The following GABRG3 variants were observed in gnomAD, a reference collection of about 807,000 sequenced individuals.
GABRG3 encodes the protein gamma-aminobutyric acid receptor subunit gamma-3.
In GABRG3, 25 loss-of-function variants were observed where a neutral mutation model predicts 48.8. That is an observed-to-expected ratio of 0.51 (90% CI 0.37 to 0.72). The LOEUF (loss-of-function observed/expected upper bound fraction) is 0.72, where lower values mean the gene tolerates loss of function less well. Among genes scored for constraint, GABRG3 ranks in the 30% least tolerant of loss-of-function variants. The pLI, the probability that GABRG3 is intolerant of heterozygous loss-of-function variation, is 0.00. For synonymous variants in GABRG3, 227 were observed against 217.6 expected, an observed-to-expected ratio of 1.04 and a Z score of -0.38; for missense variants, 394 against 577.9, an observed-to-expected ratio of 0.68 and a Z score of 3.26.
At chr15:27,010,450 A>C (rs924002488) in intron 2 of GABRG3, among the ~76,000 whole-genome samples, 1 of 152,208 alleles carries the variant, frequency 6.6e-6, no homozygotes, top group African/African-American at 2.4e-5. Flanking sequence ...AGATAGCTTC[A>C]CTGTGGTCAA....
At chr15:27,151,820 G>A (rs1010192898) in intron 3 of GABRG3, among the ~76,000 whole-genome samples, 5 of 152,192 alleles carry the variant, frequency 3.3e-5, no homozygotes, top group African/African-American at 1.2e-4. Context: ...TCCAGAAGGA[G>A]CACTGTCTGG....
chr15:27,148,956 T>C (rs147533052), intron 3 of GABRG3, among the ~76,000 whole-genome samples: 31 of 152,158 alleles, frequency 2.0e-4, no homozygotes, highest in African/African-American at 7.2e-4. Flanking sequence ...AATGTTGCTC[T>C]CACCATTTCT....
chr15:27,164,659 G>A (rs1367996087), intron 3 of GABRG3, among the ~76,000 whole-genome samples: 1 of 152,230 alleles, frequency 6.6e-6, no homozygotes, highest in African/African-American at 2.4e-5. Flanking sequence ...TTCCAGGGCA[G>A]TTATCTGTTA....
At chr15:27,406,496 A>G (rs13379857) in intron 5 of GABRG3, among the ~76,000 whole-genome samples, 7,971 of 152,282 alleles carry the variant, frequency 0.052, 696 homozygotes, top group African/African-American at 0.18. Context: ...AGAATAGCAA[A>G]TCACCTCTGT....
rs913990944 is a variant in GABRG3, at chr15:27,447,147, G to A, written c.575-33503G>A. On this transcript the variant is annotated intron_variant, in intron 5 of 9. Transcript: ENST00000615808. The surrounding 1 kb of genome is among the most constrained non-coding windows in gnomAD (Gnocchi z 4.0). ...AAAATGTTCCAGCAGCACAGAGGAC[G>A]GAACAACTAATTCTATGTGGAGGAG... Among the ~76,000 whole-genome samples the A allele has an allele frequency of 3.8e-4, 58 of 152,154 alleles. No homozygotes were observed. Among genetic ancestry groups the A allele is most frequent in the African/African-American group, 1.1e-3 (47 of 41,424 alleles).
chr15:27,114,789 G>T (rs1897613451), intron 3 of GABRG3, among the ~76,000 whole-genome samples: 1 of 151,808 alleles, frequency 6.6e-6, no homozygotes, highest in Non-Finnish European at 1.5e-5. Context: ...CTTACCCAAA[G>T]GAGTTATCAT....
At chr15:27,426,544 G>A (rs1183661534) in intron 5 of GABRG3, among the ~76,000 whole-genome samples, 1 of 152,152 alleles carries the variant, frequency 6.6e-6, no homozygotes, top group Non-Finnish European at 1.5e-5. Flanking sequence ...GCCAGGCGTG[G>A]TGTCTCATGC....
At chr15:27,448,943 C>T (rs1288225830) in intron 5 of GABRG3, among the ~76,000 whole-genome samples, 2 of 152,158 alleles carry the variant, frequency 1.3e-5, no homozygotes, top group Admixed American at 6.5e-5. Flanking sequence ...ACTCAGGAAA[C>T]AGCTGGATAA....
At chr15:26,995,865 A>G (rs2140651205) in intron 2 of GABRG3, among the ~76,000 whole-genome samples, 1 of 152,130 alleles carries the variant, frequency 6.6e-6, no homozygotes, top group South Asian at 2.1e-4. Flanking sequence ...TGTCTTTTTT[A>G]TATGCACCAT....
At chr15:27,205,725 T>A (rs150186259) in intron 3 of GABRG3, among the ~76,000 whole-genome samples, 239 of 152,120 alleles carry the variant, frequency 1.6e-3, no homozygotes, top group Middle Eastern at 6.8e-3. Flanking sequence ...TTTTTTTTTT[T>A]TTATTACTGA....
chr15:27,378,334 C>T (rs764600875), intron 5 of GABRG3, among the ~76,000 whole-genome samples: 17 of 152,178 alleles, frequency 1.1e-4, no homozygotes, highest in Non-Finnish European at 1.8e-4. Context: ...CTCTGCTTCT[C>T]CTGTGGGCTA....
chr15:27,373,793 A>C (rs1318220060), intron 5 of GABRG3, among the ~76,000 whole-genome samples: 1 of 152,188 alleles, frequency 6.6e-6, no homozygotes, highest in African/African-American at 2.4e-5. Flanking sequence ...AATTTTATCT[A>C]TAAACATTCA....
At chr15:27,023,010 C>T (rs747839242) in intron 2 of GABRG3, among the ~76,000 whole-genome samples, 4 of 152,152 alleles carry the variant, frequency 2.6e-5, no homozygotes, top group Non-Finnish European at 5.9e-5. Flanking sequence ...TTGCAAGGTT[C>T]ACATATGCTG....
At chr15:27,004,540 C>T (rs569502159) in intron 2 of GABRG3, among the ~76,000 whole-genome samples, 30 of 151,600 alleles carry the variant, frequency 2.0e-4, no homozygotes, top group African/African-American at 5.8e-4. Flanking sequence ...ACTTCCCAGA[C>T]GGGGTGGCGG....
At chr15:27,090,676 C>T (rs1454677390) in intron 3 of GABRG3, among the ~76,000 whole-genome samples, 1 of 152,144 alleles carries the variant, frequency 6.6e-6, no homozygotes, top group Non-Finnish European at 1.5e-5. Context: ...AATGTTTCAA[C>T]ATTTGATAAT....
At chr15:27,018,145 A>G (rs1292375380) in intron 2 of GABRG3, among the ~76,000 whole-genome samples, 1 of 152,244 alleles carries the variant, frequency 6.6e-6, no homozygotes, top group African/African-American at 2.4e-5. Flanking sequence ...TATTCAGTTT[A>G]TAGATGGAGA....
At chr15:27,139,761 G>A (rs975088598) in intron 3 of GABRG3, among the ~76,000 whole-genome samples, 2 of 152,190 alleles carry the variant, frequency 1.3e-5, no homozygotes, top group African/African-American at 4.8e-5. Flanking sequence ...CTAATGAGCT[G>A]ACTGATGGCT....
intron 3 of GABRG3, among the ~76,000 whole-genome samples, chr15:27,244,442 A>C (rs1890216924): frequency 6.6e-5 from 10 of 152,238 alleles, no homozygotes. Flanking sequence ...AGAACCACAC[A>C]GCGCTTAGCT....
chr15:27,224,777 A>G (rs1016901125), intron 3 of GABRG3, among the ~76,000 whole-genome samples: 7 of 152,230 alleles, frequency 4.6e-5, no homozygotes, highest in African/African-American at 1.7e-4. Context: ...CTGTGCATAT[A>G]GGATAACGTT....
Sources: allele counts gnomAD v4.1 joint callset (sites outside exome capture counted in the v4.1 genomes callset), GRCh38; gene constraint gnomAD v4.1.1; non-coding constraint Gnocchi (gnomAD v3.1); transcripts MANE v1.5; gene names NCBI Gene and HGNC (gene_info 2026-07-23, HGNC 2026-07-21).